EPHB1: variants seen among roughly 807,000 people sequenced by gnomAD.
EPHB1 encodes the protein EPH receptor B1, also known as ephrin type-B receptor 1.
In EPHB1, 30 loss-of-function variants were observed where a neutral mutation model predicts 94.4. The observed-to-expected ratio is 0.32, with a 90% CI of 0.24 to 0.43. The LOEUF (loss-of-function observed/expected upper bound fraction) is 0.43, where lower values mean the gene tolerates loss of function less well. Among genes scored for constraint, EPHB1 ranks in the 20% least tolerant of loss-of-function variants. EPHB1 has a pLI of 1.00. For missense variants in EPHB1, 1,055 were observed against 1,308.3 expected (o/e 0.81, Z 2.99); for synonymous variants, 522 against 489.1 (o/e 1.07, Z -0.89).
At chr3:134,992,690 TG>T (rs1360675926) in intron 3 of EPHB1, among the ~76,000 whole-genome samples, 1 of 152,020 alleles carries the variant, frequency 6.6e-6, no homozygotes, top group Non-Finnish European at 1.5e-5. Flanking sequence ...GTGTAGAGTC[TG>T]AAAGGGGAGG....
chr3:135,169,918 G>A (rs1941757051), intron 9 of EPHB1, among the ~76,000 whole-genome samples: 2 of 152,230 alleles, frequency 1.3e-5, no homozygotes, highest in Admixed American at 6.5e-5. Flanking sequence ...AATCCCAGCT[G>A]TCTAAGTTGG....
intron 10 of EPHB1, among the ~76,000 whole-genome samples, chr3:135,191,883 C>A (rs1942465640): frequency 6.6e-6 from 1 of 152,218 alleles, no homozygotes. Flanking sequence ...AGCCCCCAGC[C>A]AATGACTGAG....
At chr3:135,050,243 A>T (rs888006823) in intron 3 of EPHB1, among the ~76,000 whole-genome samples, 1 of 152,170 alleles carries the variant, frequency 6.6e-6, no homozygotes, top group Non-Finnish European at 1.5e-5. Context: ...ATGACTTTAG[A>T]TCCTAACCTT....
intron 3 of EPHB1, among the ~76,000 whole-genome samples, chr3:135,098,403 C>T (rs1429228369): frequency 1.3e-5 from 2 of 151,778 alleles, no homozygotes; most frequent in African/African-American, 2.4e-5. Flanking sequence ...AGTTTTAGAC[C>T]ACACTTTTAT....
intron 3 of EPHB1, among the ~76,000 whole-genome samples, chr3:135,019,728 C>G (rs113244609): frequency 0.023 from 3,531 of 152,210 alleles, 137 homozygotes; most frequent in African/African-American, 0.081. Flanking sequence ...ATTTTTAATG[C>G]CTTCATAATA....
chr3:135,101,918 C>T (rs1044517996), intron 3 of EPHB1, among the ~76,000 whole-genome samples: 6 of 152,208 alleles, frequency 3.9e-5, no homozygotes, highest in African/African-American at 1.4e-4. Flanking sequence ...TCAGAAGCAG[C>T]ATTCCATTGT....
chr3:134,864,560 T>C (rs1212179192), intron 1 of EPHB1, among the ~76,000 whole-genome samples: 1 of 152,214 alleles, frequency 6.6e-6, no homozygotes, highest in Non-Finnish European at 1.5e-5. Flanking sequence ...ATTTCTCTAC[T>C]AAGCCACAGA....
At chr3:135,154,962 G>T (rs191660772) in intron 6 of EPHB1, among the ~76,000 whole-genome samples, 1 of 152,246 alleles carries the variant, frequency 6.6e-6, no homozygotes, top group African/African-American at 2.4e-5. Flanking sequence ...AGTGCCTTCC[G>T]TTTTAACCCA....
chr3:135,136,863 C>A (rs1940638389), intron 5 of EPHB1, among the ~76,000 whole-genome samples: 1 of 152,160 alleles, frequency 6.6e-6, no homozygotes, highest in South Asian at 2.1e-4. Flanking sequence ...GCACTGAATA[C>A]AGCTGCCATG....
At chr3:134,862,197 G>T (rs565686180) in intron 1 of EPHB1, among the ~76,000 whole-genome samples, 1 of 152,190 alleles carries the variant, frequency 6.6e-6, no homozygotes, top group African/African-American at 2.4e-5. Flanking sequence ...GCTCAGGGCT[G>T]GGAGAAGCAC....
At chr3:135,228,504 A>G (rs755989352) in intron 12 of EPHB1, among the ~76,000 whole-genome samples, 47 of 152,138 alleles carry the variant, frequency 3.1e-4, no homozygotes, top group Non-Finnish European at 4.7e-4. Flanking sequence ...GCCCATTTTC[A>G]CATCCTCTTC....
At chr3:135,056,815 G>C (rs1022500722) in intron 3 of EPHB1, among the ~76,000 whole-genome samples, 1 of 152,190 alleles carries the variant, frequency 6.6e-6, no homozygotes, top group African/African-American at 2.4e-5. Flanking sequence ...TCTGGGAGTA[G>C]GGACACTTGT....
intron 1 of EPHB1, among the ~76,000 whole-genome samples, chr3:134,820,493 G>A (rs1303114105): frequency 6.6e-6 from 1 of 152,148 alleles, no homozygotes; most frequent in African/African-American, 2.4e-5. Context: ...AGAAGAATCG[G>A]GGGGAAGAGA....
chr3:135,066,014 T>G (rs1937576066), intron 3 of EPHB1, among the ~76,000 whole-genome samples: 1 of 152,222 alleles, frequency 6.6e-6, no homozygotes. Context: ...TTGAGGAGGC[T>G]AAAGATAGGG....
chr3:134,898,383 A>G (rs1468744270), intron 1 of EPHB1, among the ~76,000 whole-genome samples: 1 of 152,152 alleles, frequency 6.6e-6, no homozygotes, highest in East Asian at 1.9e-4. Context: ...TTTCCAGCCC[A>G]GTCTCCACTG....
intron 3 of EPHB1, among the ~76,000 whole-genome samples, chr3:135,100,633 A>G (rs1012038299): frequency 5.9e-5 from 9 of 152,146 alleles, no homozygotes; most frequent in African/African-American, 1.4e-4. Context: ...TTATAAAGTA[A>G]TAGTACTGTG....
intron 3 of EPHB1, among the ~76,000 whole-genome samples, chr3:134,956,229 A>T (rs537525820): frequency 6.6e-6 from 1 of 152,140 alleles, no homozygotes; most frequent in African/African-American, 2.4e-5. Flanking sequence ...TATGACTGTC[A>T]TATCTTCTGT....
intron 1 of EPHB1, among the ~76,000 whole-genome samples, chr3:134,850,927 G>A (rs1364387134): frequency 1.3e-5 from 2 of 152,266 alleles, no homozygotes; most frequent in Non-Finnish European, 2.9e-5. Context: ...TCCCCATGGG[G>A]GCAGCAGATG....
At chr3:134,817,583 C>CA (rs2036294301) in intron 1 of EPHB1, among the ~76,000 whole-genome samples, 1 of 152,222 alleles carries the variant, frequency 6.6e-6, no homozygotes, top group Admixed American at 6.5e-5. Context: ...TTACCAGCTG[C>CA]GTGACCTTGG....
Sources: gnomAD v4.1 joint callset for allele counts (sites outside exome capture counted in the v4.1 genomes callset) on GRCh38, gnomAD v4.1.1 for gene constraint, MANE v1.5 for transcripts, NCBI Gene and HGNC (gene_info 2026-07-23, HGNC 2026-07-21) for gene names.